The following PAPPA variants were observed in gnomAD, a reference collection of about 807,000 sequenced individuals.
PAPPA encodes the protein pappalysin 1.
Under a neutral mutation model 164.0 loss-of-function variants are expected in PAPPA, and 60 were observed. The observed-to-expected ratio is 0.37, with a 90% CI of 0.30 to 0.45. PAPPA has a LOEUF of 0.45. Ranked by LOEUF, PAPPA falls within the 20% of genes least tolerant of loss-of-function variation. The pLI is 1.00. For missense variants in PAPPA, 1,782 were observed against 2,087.3 expected, an observed-to-expected ratio of 0.85 and a Z score of 2.85; for synonymous variants, 875 against 814.1, an observed-to-expected ratio of 1.07 and a Z score of -1.27.
chr9:116,377,661 A>T lies in PAPPA; in HGVS notation c.4677+14A>T, dbSNP rs1846673128. The T allele has an allele frequency of 6.3e-7, 1 of 1,587,400 alleles. No individual in the cohort carries two copies. ...AAAGGCTGTGAGGTGAGTCACAAGGAAGGCACTCCTCAGTTCCCTGGAAAT... is the reference window on the plus strand; with the variant it reads ...AAAGGCTGTGAGGTGAGTCACAAGGTAGGCACTCCTCAGTTCCCTGGAAAT... On this transcript the variant is annotated intron_variant, in intron 20 of 21. Coordinates refer to ENST00000328252, the MANE Select transcript of PAPPA (RefSeq NM_002581.5).
At chr9:116,163,612 C>T (rs1055550165) in intron 1 of PAPPA, among the ~76,000 whole-genome samples, 1 of 152,200 alleles carries the variant, frequency 6.6e-6, no homozygotes, top group South Asian at 2.1e-4. Flanking sequence ...AGGCTGTCCT[C>T]AGACAAAACT....
intron 9 of PAPPA, among the ~76,000 whole-genome samples, chr9:116,300,756 G>C (rs1845570840): frequency 6.6e-6 from 1 of 152,206 alleles, no homozygotes; most frequent in South Asian, 2.1e-4. Context: ...TTCTAGCTAG[G>C]GGAAAGTTGC....
chr9:116,245,227 G>A (rs930679484), intron 7 of PAPPA, among the ~76,000 whole-genome samples: 5 of 152,138 alleles, frequency 3.3e-5, no homozygotes, highest in East Asian at 3.9e-4. Flanking sequence ...TATTCAGACC[G>A]TAGATACCCC....
At chr9:116,272,391 C>A (rs1442463720) in intron 9 of PAPPA, among the ~76,000 whole-genome samples, 1 of 152,196 alleles carries the variant, frequency 6.6e-6, no homozygotes, top group Non-Finnish European at 1.5e-5. Context: ...TTCTCACTGA[C>A]AGGCAATTTT....
chr9:116,220,021 C>T lies in PAPPA; in HGVS notation c.2003C>T (p.Pro668Leu), dbSNP rs1844423728. 6.2e-7 allele frequency: 1 copy of T among 1,614,104 alleles called. No individual in the cohort carries two copies. Among genetic ancestry groups the T allele is most frequent in the South Asian group, 1.1e-5 (1 of 91,082 alleles). ...GACCTGGTCTACCAGGGCTGGCAGC[C>T]CTCCAGGAAACCAGCGCCTGTTGCC... ...YLDLVYQGWQ[P>L]SRKPAPVALA... The change falls in exon 5 of 22, where the codon CCC (proline) becomes CTC (leucine). Residue 668 changes from proline to leucine, a missense_variant. Pro to Leu is a moderately conservative substitution (Grantham distance 98, BLOSUM62 -3). Coordinates refer to ENST00000328252, the MANE Select transcript of PAPPA (RefSeq NM_002581.5).
intron 1 of PAPPA, among the ~76,000 whole-genome samples, chr9:116,156,117 T>C (rs1843598667): frequency 6.6e-6 from 1 of 151,388 alleles, no homozygotes. Flanking sequence ...TGATTTTTTT[T>C]TTTTTTTAAT....
intron 2 of PAPPA, among the ~76,000 whole-genome samples, chr9:116,201,212 C>T (rs1456041593): frequency 2.0e-5 from 3 of 152,154 alleles, no homozygotes; most frequent in East Asian, 1.9e-4. Flanking sequence ...TTATTTGGAA[C>T]AAGGATATGG....
chr9:116,204,809 C>T (rs1402512226), intron 2 of PAPPA, among the ~76,000 whole-genome samples: 1 of 152,158 alleles, frequency 6.6e-6, no homozygotes, highest in Non-Finnish European at 1.5e-5. Flanking sequence ...GGCCATTTTC[C>T]TTCTCTCACC....
chr9:116,159,285 A>G (rs1373149362), intron 1 of PAPPA, among the ~76,000 whole-genome samples: 1 of 152,204 alleles, frequency 6.6e-6, no homozygotes, highest in African/African-American at 2.4e-5. Flanking sequence ...TGCAGTGTCA[A>G]CTTGTATTAG....
chr9:116,243,730 TG>T (rs1486757628), intron 7 of PAPPA, among the ~76,000 whole-genome samples: 1 of 152,164 alleles, frequency 6.6e-6, no homozygotes, highest in African/African-American at 2.4e-5. Flanking sequence ...ATTTTTTTAT[TG>T]TTTTTTTGAA....
chr9:116,374,154 A>AGTGTTGGTGGTG (rs1846615306), intron 19 of PAPPA, among the ~76,000 whole-genome samples: 1 of 29,684 alleles, frequency 3.4e-5, no homozygotes, highest in South Asian at 1.4e-3. Context: ...TGATGGTGGT[A>AGTGTTGGTGGTG]GTGTTGGTGG....
At position 116,209,646 on chromosome 9, in the gene PAPPA, T is replaced by C. The variant is rs913812759; in HGVS notation, c.1625-1993T>C. Among the ~76,000 whole-genome samples, 7 of 152,276 alleles carry C rather than the reference T, an allele frequency of 4.6e-5. No individual in the cohort carries two copies. The South Asian group carries it at 1.0e-3, about 23-fold the overall frequency. On this transcript the variant is annotated intron_variant, in intron 3 of 21. Coordinates refer to ENST00000328252, the MANE Select transcript of PAPPA (RefSeq NM_002581.5). ...TGAAACAGGACTGGGGCCCAAGTGC[T>C]GTCACTCTGTGAAAAGGGGTGAGTT...
intron 2 of PAPPA, among the ~76,000 whole-genome samples, chr9:116,204,010 G>A (rs1844202310): frequency 6.6e-6 from 1 of 152,208 alleles, no homozygotes; most frequent in African/African-American, 2.4e-5. Flanking sequence ...CTGAGACTGG[G>A]AGAGCCACGC....
At chr9:116,362,468 A>T in intron 17 of PAPPA, 124 bp from the exon 18 acceptor site, 1 of 988,598 alleles carries the variant, frequency 1.0e-6, no homozygotes, top group East Asian at 2.7e-5. Context: ...ATTGTTAAGA[A>T]ATTGTTTTGG....
intron 1 of PAPPA, among the ~76,000 whole-genome samples, chr9:116,174,740 TATA>T (rs988406411): frequency 2.6e-4 from 40 of 152,122 alleles, no homozygotes; most frequent in Non-Finnish European, 5.4e-4. Context: ...GAAAAAATAA[TATA>T]ATAATAATAC....
At chr9:116,277,730 G>A (rs972847326) in intron 9 of PAPPA, among the ~76,000 whole-genome samples, 2 of 152,058 alleles carry the variant, frequency 1.3e-5, no homozygotes, top group African/African-American at 4.8e-5. Context: ...CAGCTGGGGT[G>A]CAGCAGCATG....
At chr9:116,307,602 G>T (rs758963202) in intron 10 of PAPPA, among the ~76,000 whole-genome samples, 3 of 151,912 alleles carry the variant, frequency 2.0e-5, no homozygotes, top group Non-Finnish European at 4.4e-5. Context: ...TCCATCTCAA[G>T]AAAAATAAAA....
intron 1 of PAPPA, among the ~76,000 whole-genome samples, chr9:116,178,780 T>C (rs1262612606): frequency 6.6e-6 from 1 of 152,226 alleles, no homozygotes; most frequent in Non-Finnish European, 1.5e-5. Flanking sequence ...GGGAGACTAA[T>C]ACTGGGAAAG....
chr9:116,228,733 G>A (rs1844548126), intron 6 of PAPPA, among the ~76,000 whole-genome samples: 1 of 152,114 alleles, frequency 6.6e-6, no homozygotes, highest in Non-Finnish European at 1.5e-5. Context: ...GGATGCCTGG[G>A]GTCATCTGGC....
Sources: allele counts gnomAD v4.1 joint callset (sites outside exome capture counted in the v4.1 genomes callset), GRCh38; gene constraint gnomAD v4.1.1; transcripts MANE v1.5; gene names NCBI Gene and HGNC (gene_info 2026-07-23, HGNC 2026-07-21).